Variants in DCT observed in about 807,000 individuals in gnomAD.
The protein encoded by DCT is L-dopachrome tautomerase.
Under a neutral mutation model 53.0 loss-of-function variants are expected in DCT, and 47 were observed. The observed-to-expected ratio is 0.89, with a 90% CI of 0.70 to 1.13. The LOEUF (loss-of-function observed/expected upper bound fraction) is 1.13. Ranked by LOEUF, DCT falls within the 50% of genes most tolerant of loss-of-function variation. The pLI, the probability that DCT is intolerant of heterozygous loss-of-function variation, is 0.00. For missense variants in DCT, 669 were observed against 637.4 expected, an observed-to-expected ratio of 1.05 and a Z score of -0.53; for synonymous variants, 244 against 237.0, an observed-to-expected ratio of 1.03 and a Z score of -0.27.
At chr13:94,547,214 T>G in the DCT span, among the ~76,000 whole-genome samples, 1 of 151,996 alleles carries the variant, frequency 6.6e-6, no homozygotes, top group East Asian at 1.9e-4. Context: ...CCTCCCCTGT[T>G]CAACGGATTC....
rs182259580 is a variant in DCT at position 94,473,782 on chromosome 13, A to C, written c.296-4737T>G. Among the ~76,000 whole-genome samples, 62 of 90,426 alleles carry C rather than the reference A, an allele frequency of 6.9e-4. No homozygotes were observed. In the East Asian group the frequency reaches 0.012, roughly 17 times the overall value. 59.3% of individuals were successfully genotyped at this position (90,426 alleles called of 152,430 possible). ...TGAAAAGAATGGGAAGTGGGGGGGTAAAGAAAGCTTGTGTCTGTTTTGGAG... is the reference window on the plus strand; with the variant it reads ...TGAAAAGAATGGGAAGTGGGGGGGTCAAGAAAGCTTGTGTCTGTTTTGGAG... On this transcript the variant is annotated intron_variant, in intron 1 of 7. Coordinates refer to ENST00000377028, the MANE Select transcript of DCT (RefSeq NM_001922.5).
At position 94,438,501 on chromosome 13, in the gene DCT, C is replaced by T. The variant is rs1283188468; in HGVS notation, c.*1397G>A. 1 of 431,916 alleles carries T rather than the reference C, an allele frequency of 2.3e-6. No homozygotes were observed. The highest frequency in any genetic ancestry group is 4.6e-6 in the Non-Finnish European group (1 of 216,104). The allele number at this position is 431,916 out of a possible 1,614,324, so 26.8% of individuals were successfully genotyped here. A position where few individuals can be genotyped will look rare whatever the true frequency, so the allele number is the denominator to read the frequency against. ...CCTCTAGGACCCCTTATGTTGAAGG[C>T]AGCTCCAGGGACCTCTTAACACCCA... On this transcript the variant is annotated 3_prime_UTR_variant, in exon 8 of 8. Transcript: ENST00000377028.
At chr13:94,440,676 G>GTTTTTTTT (rs761688508) in intron 7 of DCT, among the ~76,000 whole-genome samples, 25 of 98,032 alleles carry the variant, frequency 2.6e-4, no homozygotes, top group South Asian at 7.4e-4. Flanking sequence ...TCATTTTTTG[G>GTTTTTTTT]TTTTTTTTTT....
the DCT span, among the ~76,000 whole-genome samples, chr13:94,497,874 A>ATG: frequency 0.33 from 48,916 of 150,054 alleles, 7,785 homozygotes; most frequent in Middle Eastern, 0.34. Context: ...GGGGTCACCT[A>ATG]TATGTGTGTG....
chr13:94,485,087 C>T, the DCT span, among the ~76,000 whole-genome samples: 4 of 145,540 alleles, frequency 2.7e-5, no homozygotes, highest in Non-Finnish European at 4.5e-5. Context: ...ACTTGAGACA[C>T]GTCACTCAAA....
At chr13:94,450,536 A>C (rs949682849) in intron 6 of DCT, among the ~76,000 whole-genome samples, 2 of 152,140 alleles carry the variant, frequency 1.3e-5, no homozygotes, top group Non-Finnish European at 2.9e-5. Flanking sequence ...TGTGTGTAAA[A>C]ATGTACACAA....
chr13:94,461,986 T>C (rs201741628), intron 5 of DCT, 24 bp downstream of exon 5: 5 of 1,581,866 alleles, frequency 3.2e-6, no homozygotes, highest in Middle Eastern at 1.7e-4. Flanking sequence ...TACAGGCAGG[T>C]CCAGCAGAGC....
chr13:94,504,180 T>G, the DCT span, among the ~76,000 whole-genome samples: 18 of 152,362 alleles, frequency 1.2e-4, no homozygotes, highest in African/African-American at 4.1e-4. Context: ...TAATTAATCT[T>G]CAGCTAAAAT....
chr13:94,478,869 A>G, intron 1 of DCT, 92 bp downstream of exon 1: 1 of 1,298,334 alleles, frequency 7.7e-7, no homozygotes, highest in East Asian at 2.3e-5. Context: ...AGCCTAATCT[A>G]AGAGTCTCTG....
chr13:94,477,861 C>A (rs1015519552), intron 1 of DCT, among the ~76,000 whole-genome samples: 4 of 152,172 alleles, frequency 2.6e-5, no homozygotes, highest in Non-Finnish European at 5.9e-5. Flanking sequence ...TGTCCAAGGG[C>A]TTTCCTGAGG....
chr13:94,488,706 C>A, the DCT span, among the ~76,000 whole-genome samples: 2 of 148,726 alleles, frequency 1.3e-5, no homozygotes, highest in South Asian at 2.2e-4. Context: ...TACGGCCAGA[C>A]CTTCTTGTCT....
chr13:94,532,946 CA>C, the DCT span, among the ~76,000 whole-genome samples: 1 of 152,108 alleles, frequency 6.6e-6, no homozygotes, highest in African/African-American at 2.4e-5. Context: ...AATAAAATGA[CA>C]AAAAATATTT....
chr13:94,516,556 C>A, the DCT span, among the ~76,000 whole-genome samples: 1 of 152,256 alleles, frequency 6.6e-6, no homozygotes, highest in African/African-American at 2.4e-5. Context: ...GAAATTTAAT[C>A]CCCAATGTGA....
At chr13:94,518,012 G>A in the DCT span, among the ~76,000 whole-genome samples, 1 of 151,452 alleles carries the variant, frequency 6.6e-6, no homozygotes, top group Non-Finnish European at 1.5e-5. Flanking sequence ...AGCAGCTGAG[G>A]TGGGACGATC....
the DCT span, among the ~76,000 whole-genome samples, chr13:94,507,684 T>C: frequency 5.3e-5 from 8 of 152,038 alleles, no homozygotes; most frequent in Non-Finnish European, 1.0e-4. Context: ...GTATTTTTAG[T>C]AGAGATGGGA....
intron 6 of DCT, among the ~76,000 whole-genome samples, chr13:94,444,948 A>G (rs1430139901): frequency 6.6e-6 from 1 of 152,218 alleles, no homozygotes; most frequent in African/African-American, 2.4e-5. Context: ...GACAGAGTCA[A>G]TGTTTACTAA....
intron 6 of DCT, among the ~76,000 whole-genome samples, chr13:94,448,931 T>C (rs1359681280): frequency 6.6e-6 from 1 of 151,772 alleles, no homozygotes; most frequent in African/African-American, 2.4e-5. Context: ...AATAAATAAA[T>C]AAATTTGTAT....
chr13:94,484,189 C>T (rs1016586538), upstream of DCT, among the ~76,000 whole-genome samples: 1 of 152,140 alleles, frequency 6.6e-6, no homozygotes, highest in Admixed American at 6.6e-5. Context: ...AATTTTGCGT[C>T]AAAGTAGAGG....
chr13:94,515,218 T>A, the DCT span, among the ~76,000 whole-genome samples: 2 of 152,194 alleles, frequency 1.3e-5, no homozygotes, highest in Non-Finnish European at 2.9e-5. Flanking sequence ...AGCCTCCTAG[T>A]CTATGGTACT....
Sources: gnomAD v4.1 joint callset for allele counts (sites outside exome capture counted in the v4.1 genomes callset) on GRCh38, gnomAD v4.1.1 for gene constraint, MANE v1.5 for transcripts, NCBI Gene and HGNC (gene_info 2026-07-23, HGNC 2026-07-21) for gene names.